Variants in ASIC2 observed in about 807,000 individuals in gnomAD.
ASIC2 encodes acid sensing ion channel subunit 2, also known as acid-sensing ion channel 2.
In ASIC2, 25 loss-of-function variants were observed where a neutral mutation model predicts 57.3. The observed-to-expected ratio is 0.44, with a 90% CI of 0.32 to 0.61. The LOEUF (loss-of-function observed/expected upper bound fraction) is 0.61, where lower values mean the gene tolerates loss of function less well. Ranked by LOEUF, ASIC2 falls within the 20% of genes least tolerant of loss-of-function variation. The pLI is 0.06. For missense variants in ASIC2, 641 were observed against 738.1 expected (o/e 0.87, Z 1.52); for synonymous variants, 319 against 307.5 (o/e 1.04, Z -0.39).
chr17:33,292,697 C>T lies in ASIC2; in HGVS notation c.-582G>A, dbSNP rs931215502. On this transcript the variant is annotated 5_prime_UTR_variant, in exon 1 of 10. Transcript: ENST00000225823. ...GCGCCCCCAGAGGCGCACCGCGGCT[C>T]CTGGCTGGGCGGGCGGGGTGGGTGT... 1.1e-5 allele frequency: 11 copies of T among 985,588 alleles called. No homozygotes were observed. Among genetic ancestry groups the T allele is most frequent in the Non-Finnish European group, 1.1e-5 (9 of 830,052 alleles). The allele number at this position is 985,588 out of a possible 1,614,324, so 61.1% of individuals were successfully genotyped here. A position where few individuals can be genotyped will look rare whatever the true frequency, so the allele number is the denominator to read the frequency against.
rs369217812 is a variant in ASIC2, at chr17:33,551,206, T to A, written c.556-439139A>T. ...GTGCTTTTTCGATGAATATGTATGC[T>A]GATCTAGCATTATGAAAATGTTATC... On this transcript the variant is annotated intron_variant, in intron 1 of 9. Transcript: ENST00000359872. Among the ~76,000 whole-genome samples the A allele has an allele frequency of 2.3e-4, 35 of 152,346 alleles. No homozygotes were observed. In the South Asian group the frequency reaches 7.0e-3, roughly 31 times the overall value.
intron 1 of ASIC2, among the ~76,000 whole-genome samples, chr17:33,591,846 A>C (rs761396376): frequency 6.6e-6 from 1 of 152,014 alleles, no homozygotes; most frequent in Non-Finnish European, 1.5e-5. Flanking sequence ...ACATCCTTAC[A>C]GCTTTTGTTT....
At chr17:33,104,954 C>T (rs1253997263) in intron 2 of ASIC2, among the ~76,000 whole-genome samples, 2 of 152,196 alleles carry the variant, frequency 1.3e-5, no homozygotes, top group African/African-American at 4.8e-5. Flanking sequence ...GTTCATGGCA[C>T]AGAGTAGCTA....
chr17:33,226,600 T>C (rs1427489675), intron 1 of ASIC2, among the ~76,000 whole-genome samples: 2 of 152,224 alleles, frequency 1.3e-5, no homozygotes, highest in African/African-American at 4.8e-5. Flanking sequence ...GGCGCAATTA[T>C]ATATAATCCA....
At chr17:33,231,445 G>A (rs573632316) in intron 1 of ASIC2, among the ~76,000 whole-genome samples, 3 of 152,272 alleles carry the variant, frequency 2.0e-5, no homozygotes, top group African/African-American at 7.2e-5. Flanking sequence ...GGGCCGGAAT[G>A]GGGCCCCGTG....
intron 3 of ASIC2, 43 bp downstream of exon 3, chr17:33,088,820 G>A (rs1409935967): frequency 1.9e-6 from 3 of 1,566,720 alleles, no homozygotes; most frequent in South Asian, 1.2e-5. Flanking sequence ...AGGGGGTCGG[G>A]GGAGGCTGAG....
intron 1 of ASIC2, among the ~76,000 whole-genome samples, chr17:34,041,719 G>A (rs1908140867): frequency 6.6e-6 from 1 of 152,176 alleles, no homozygotes; most frequent in Non-Finnish European, 1.5e-5. Flanking sequence ...TGCTGGCAAA[G>A]AAACAAAGAC....
chr17:33,618,792 C>T (rs1206194057), intron 1 of ASIC2, among the ~76,000 whole-genome samples: 1 of 152,170 alleles, frequency 6.6e-6, no homozygotes, highest in African/African-American at 2.4e-5. Flanking sequence ...CTCACCAATG[C>T]CCAAATATTT....
At chr17:33,360,028 C>A (rs1029893499) in intron 1 of ASIC2, among the ~76,000 whole-genome samples, 1 of 152,178 alleles carries the variant, frequency 6.6e-6, no homozygotes, top group Non-Finnish European at 1.5e-5. Context: ...CTACCCAATA[C>A]ACCCCCTATC....
rs1904495511 is a variant in ASIC2 at position 33,949,620 on chromosome 17, AC to A, written c.555+206357del. 2.0e-5 allele frequency among the ~76,000 whole-genome samples: 3 copies of A among 152,324 alleles called. No individual in the cohort carries two copies. In the South Asian group the frequency reaches 6.2e-4, roughly 32 times the overall value. ...ATACACATTAGGTCCATTTTTACAA[AC>A]CATGCGTCATGTCCTCCCTCAAATT... On this transcript the variant is annotated intron_variant, in intron 1 of 9. Coordinates refer to the ASIC2 transcript ENST00000359872.
chr17:33,787,957 C>T lies in ASIC2; in HGVS notation c.555+368021G>A, dbSNP rs1911655937. The stretch of plus-strand genomic sequence containing the variant: ...AAGTAAAACTCCAAACCATAAAAAC[C>T]CTAGAAGAAAACGTAGGCAATACTA... On this transcript the variant is annotated intron_variant, in intron 1 of 9. Transcript: ENST00000359872. Among the ~76,000 whole-genome samples the T allele has an allele frequency of 3.3e-5, 5 of 152,064 alleles. No individual in the cohort carries two copies. The South Asian group carries it at 1.0e-3, about 32-fold the overall frequency.
chr17:33,216,905 G>A (rs1446434799), intron 1 of ASIC2, among the ~76,000 whole-genome samples: 1 of 152,160 alleles, frequency 6.6e-6, no homozygotes, highest in East Asian at 1.9e-4. Flanking sequence ...TAATTGAGGT[G>A]AGAAACAGTG....
At chr17:33,628,234 T>C (rs1447068251) in intron 1 of ASIC2, among the ~76,000 whole-genome samples, 3 of 152,040 alleles carry the variant, frequency 2.0e-5, no homozygotes, top group Non-Finnish European at 2.9e-5. Context: ...CCAAGTTCTT[T>C]CTGATTTGCT....
At chr17:33,544,361 G>C (rs528020930) in intron 1 of ASIC2, among the ~76,000 whole-genome samples, 24 of 152,326 alleles carry the variant, frequency 1.6e-4, no homozygotes, top group Admixed American at 1.2e-3. Context: ...TTGTGTACAA[G>C]TCTTTGTGTA....
At chr17:33,120,980 G>A (rs1485903067) in intron 1 of ASIC2, among the ~76,000 whole-genome samples, 6 of 152,128 alleles carry the variant, frequency 3.9e-5, no homozygotes, top group Non-Finnish European at 8.8e-5. Context: ...TCATCTTTTT[G>A]GTTCTTGAAC....
At chr17:33,602,679 T>C (rs772179113) in intron 1 of ASIC2, among the ~76,000 whole-genome samples, 56 of 152,204 alleles carry the variant, frequency 3.7e-4, no homozygotes, top group Non-Finnish European at 6.5e-4. Flanking sequence ...GTCTCACTTC[T>C]TCCTATGCCC....
intron 3 of ASIC2, among the ~76,000 whole-genome samples, chr17:33,068,144 G>T (rs1034462712): frequency 6.6e-6 from 1 of 151,988 alleles, no homozygotes; most frequent in African/African-American, 2.4e-5. Flanking sequence ...GACTGGACCT[G>T]GGGGGGTGGA....
chr17:33,966,296 G>A (rs1905071211), intron 1 of ASIC2, among the ~76,000 whole-genome samples: 1 of 152,198 alleles, frequency 6.6e-6, no homozygotes, highest in Non-Finnish European at 1.5e-5. Context: ...AAGGAGGCAG[G>A]CGTGAGTTGG....
At chr17:33,630,096 C>T (rs550834709) in intron 1 of ASIC2, among the ~76,000 whole-genome samples, 9 of 152,256 alleles carry the variant, frequency 5.9e-5, no homozygotes, top group African/African-American at 2.2e-4. Context: ...CACACAGTTG[C>T]CCCAGGGATG....
Sources: allele counts gnomAD v4.1 joint callset (sites outside exome capture counted in the v4.1 genomes callset), GRCh38; gene constraint gnomAD v4.1.1; transcripts MANE v1.5; gene names NCBI Gene and HGNC (gene_info 2026-07-23, HGNC 2026-07-21).